Variants in WDPCP observed in about 807,000 individuals in gnomAD.
WDPCP encodes the protein WD repeat containing planar cell polarity effector.
WDPCP carries 71 observed loss-of-function variants against 93.1 expected under a neutral mutation model. The ratio of observed to expected loss-of-function variants is 0.76; its 90% CI spans 0.63 to 0.93. The LOEUF (loss-of-function observed/expected upper bound fraction) is 0.93, where lower values mean the gene tolerates loss of function less well. Among genes scored for constraint, WDPCP ranks in the 40% least tolerant of loss-of-function variants. The probability of loss-of-function intolerance (pLI) is 0.00; values close to 1 mark genes in which losing one functional copy is unlikely to be tolerated. For synonymous variants in WDPCP, 315 were observed against 315.0 expected, an observed-to-expected ratio of 1.00 and a Z score of 0.00; for missense variants, 844 against 887.4, an observed-to-expected ratio of 0.95 and a Z score of 0.62.
At chr2:63,459,546 A>C (rs185554608) in intron 6 of WDPCP, among the ~76,000 whole-genome samples, 1 of 152,346 alleles carries the variant, frequency 6.6e-6, no homozygotes, top group East Asian at 1.9e-4. Context: ...AAGAAAGAAA[A>C]GGGAACTCTT....
intron 14 of WDPCP, among the ~76,000 whole-genome samples, chr2:63,195,393 T>A (rs1675349638): frequency 6.6e-6 from 1 of 152,220 alleles, no homozygotes; most frequent in Admixed American, 6.5e-5. Flanking sequence ...GAAGTGGGCA[T>A]CTTACATATT....
At chr2:63,391,436 T>C (rs1016664188) in intron 10 of WDPCP, among the ~76,000 whole-genome samples, 10 of 152,140 alleles carry the variant, frequency 6.6e-5, no homozygotes, top group Admixed American at 1.3e-4. Flanking sequence ...GCCAATATCA[T>C]ACTGAATGGG....
intron 2 of WDPCP, among the ~76,000 whole-genome samples, chr2:63,783,437 T>C (rs1670425216): frequency 6.6e-6 from 1 of 151,912 alleles, no homozygotes; most frequent in African/African-American, 2.4e-5. Context: ...AAAATTTTAA[T>C]AAATAAATAA....
chr2:63,535,221 C>T (rs1221250736), intron 1 of WDPCP, among the ~76,000 whole-genome samples: 1 of 152,178 alleles, frequency 6.6e-6, no homozygotes, highest in Non-Finnish European at 1.5e-5. Context: ...AGGACACAAA[C>T]AAATGGAAAA....
rs541499554 is a variant in WDPCP at position 63,412,164 on chromosome 2, C to A, written c.826-7507G>T. Among the ~76,000 whole-genome samples, 3 of 152,048 alleles carry A rather than the reference C, an allele frequency of 2.0e-5. No individual in the cohort carries two copies. The East Asian group carries it at 5.8e-4, about 29-fold the overall frequency. ...TAGCTAACTGAATCCAATAGCATATCGAAAAGGTAATCCACCATGATCAAG... is the reference window on the plus strand; with the variant it reads ...TAGCTAACTGAATCCAATAGCATATAGAAAAGGTAATCCACCATGATCAAG... On this transcript the variant is annotated intron_variant, in intron 9 of 17. Coordinates refer to ENST00000272321, the MANE Select transcript of WDPCP (RefSeq NM_015910.7).
intron 14 of WDPCP, among the ~76,000 whole-genome samples, chr2:63,203,052 A>G (rs1676042020): frequency 6.6e-6 from 1 of 152,126 alleles, no homozygotes; most frequent in Admixed American, 6.5e-5. Context: ...TTTGGGGTGC[A>G]TATGTGTGTG....
At chr2:63,393,784 C>G (rs1293960335) in intron 10 of WDPCP, among the ~76,000 whole-genome samples, 1 of 151,906 alleles carries the variant, frequency 6.6e-6, no homozygotes, top group African/African-American at 2.4e-5. Context: ...CACCTACAAC[C>G]ATATGATCTT....
intron 3 of WDPCP, among the ~76,000 whole-genome samples, chr2:63,602,169 TA>T (rs1295115753): frequency 6.6e-6 from 1 of 152,242 alleles, no homozygotes; most frequent in Non-Finnish European, 1.5e-5. Flanking sequence ...AGTAAACTTT[TA>T]ACTATTTTAG....
intron 2 of WDPCP, among the ~76,000 whole-genome samples, chr2:63,707,426 T>C (rs1374941162): frequency 1.3e-5 from 2 of 152,258 alleles, no homozygotes; most frequent in African/African-American, 4.8e-5. Flanking sequence ...CATCGGTTAC[T>C]GAGGCTTGTG....
intron 14 of WDPCP, among the ~76,000 whole-genome samples, chr2:63,207,390 C>A (rs1237966503): frequency 6.6e-6 from 1 of 152,148 alleles, no homozygotes; most frequent in African/African-American, 2.4e-5. Context: ...CACCCTACCA[C>A]CCTGATTGTA....
intron 12 of WDPCP, among the ~76,000 whole-genome samples, chr2:63,315,387 A>C (rs1029802638): frequency 4.7e-5 from 7 of 149,752 alleles, no homozygotes; most frequent in Non-Finnish European, 1.0e-4. Context: ...TAGTGCCCCT[A>C]ACTTTCACAG....
At chr2:63,524,336 C>T (rs1172124464) in intron 1 of WDPCP, among the ~76,000 whole-genome samples, 1 of 152,154 alleles carries the variant, frequency 6.6e-6, no homozygotes, top group Non-Finnish European at 1.5e-5. Context: ...AAGCATCACA[C>T]TACCTGACCT....
intron 13 of WDPCP, among the ~76,000 whole-genome samples, chr2:63,278,131 T>G (rs1272496404): frequency 6.6e-6 from 1 of 152,154 alleles, no homozygotes; most frequent in African/African-American, 2.4e-5. Flanking sequence ...TGCAAATACA[T>G]GGAAATTAAA....
At chr2:63,439,666 C>T (rs1697369657) in intron 7 of WDPCP, 91 bp downstream of exon 7, 1 of 1,120,932 alleles carries the variant, frequency 8.9e-7, no homozygotes, top group Admixed American at 1.8e-5. Flanking sequence ...TTGCAAGTCC[C>T]CAGTGGTAAT....
intron 1 of WDPCP, among the ~76,000 whole-genome samples, chr2:63,504,640 A>C (rs1394242381): frequency 1.3e-5 from 2 of 152,044 alleles, no homozygotes; most frequent in Non-Finnish European, 2.9e-5. Context: ...ATGCTGTGCT[A>C]AATGGAGCCT....
chr2:63,254,493 T>C (rs1680980123), intron 14 of WDPCP, among the ~76,000 whole-genome samples: 1 of 152,154 alleles, frequency 6.6e-6, no homozygotes, highest in African/African-American at 2.4e-5. Flanking sequence ...GTACTTAACA[T>C]AGGACACTAT....
intron 3 of WDPCP, chr2:63,622,880 A>G (rs1709762391): frequency 1.3e-6 from 2 of 1,507,158 alleles, no homozygotes; most frequent in African/African-American, 1.4e-5. Flanking sequence ...AGGGGTGCGG[A>G]GCCTGGGAGG....
At chr2:63,623,695 T>C (rs1709775219) in intron 3 of WDPCP, among the ~76,000 whole-genome samples, 1 of 152,132 alleles carries the variant, frequency 6.6e-6, no homozygotes, top group Admixed American at 6.5e-5. Context: ...AGCAAGTTCT[T>C]AGAGACCTAC....
intron 12 of WDPCP, among the ~76,000 whole-genome samples, chr2:63,318,741 C>T (rs1363874576): frequency 6.6e-6 from 1 of 152,082 alleles, no homozygotes; most frequent in Non-Finnish European, 1.5e-5. Flanking sequence ...AAGAAGGTAA[C>T]AGTAGATACC....
Sources: allele counts gnomAD v4.1 joint callset (sites outside exome capture counted in the v4.1 genomes callset), GRCh38; gene constraint gnomAD v4.1.1; transcripts MANE v1.5; gene names NCBI Gene and HGNC (gene_info 2026-07-23, HGNC 2026-07-21).